NAPB: variants seen among roughly 807,000 people sequenced by gnomAD.
The protein encoded by NAPB is NSF attachment protein beta, also known as beta-soluble NSF attachment protein.
Under a neutral mutation model 44.7 loss-of-function variants are expected in NAPB, and 26 were observed. The ratio of observed to expected loss-of-function variants is 0.58; its 90% CI spans 0.43 to 0.81. NAPB has a LOEUF of 0.81. Ranked by LOEUF, NAPB falls within the 30% of genes least tolerant of loss-of-function variation. NAPB has a pLI of 0.00. For synonymous variants in NAPB, 120 were observed against 116.8 expected, an observed-to-expected ratio of 1.03 and a Z score of -0.18; for missense variants, 315 against 356.4, an observed-to-expected ratio of 0.88 and a Z score of 0.94.
chr20:23,380,346 C>T (rs1304274659), intron 8 of NAPB, among the ~76,000 whole-genome samples: 1 of 152,186 alleles, frequency 6.6e-6, no homozygotes, highest in Non-Finnish European at 1.5e-5. Flanking sequence ...CAACTCCAGA[C>T]ACTGGCCATG....
At chr20:23,382,664 A>C (rs1464929714) in intron 7 of NAPB, among the ~76,000 whole-genome samples, 5 of 152,060 alleles carry the variant, frequency 3.3e-5, no homozygotes, top group African/African-American at 4.8e-5. Context: ...AAAAAAAAAA[A>C]CAGTACCATA....
chr20:23,384,736 GA>G (rs1389679985), intron 7 of NAPB, among the ~76,000 whole-genome samples: 1 of 152,160 alleles, frequency 6.6e-6, no homozygotes, highest in African/African-American at 2.4e-5. Flanking sequence ...GCAGAAAGCA[GA>G]ATTAAGCCCT....
intron 3 of NAPB, 109 bp from the exon 4 acceptor site, chr20:23,395,294 T>G: frequency 1.7e-6 from 2 of 1,156,262 alleles, no homozygotes; most frequent in South Asian, 2.7e-5. Flanking sequence ...GGTATAATTT[T>G]GGAGTGGAGG....
chr20:23,393,437 C>G (rs1984121646), intron 5 of NAPB, among the ~76,000 whole-genome samples: 1 of 152,146 alleles, frequency 6.6e-6, no homozygotes, highest in South Asian at 2.1e-4. Context: ...TTCAGTAACG[C>G]CTAGCAGATC....
intron 1 of NAPB, among the ~76,000 whole-genome samples, chr20:23,406,327 C>T (rs1985253565): frequency 6.6e-6 from 1 of 152,110 alleles, no homozygotes; most frequent in Admixed American, 6.6e-5. Flanking sequence ...CTAAATGGTA[C>T]AGGGTTTCTT....
chr20:23,404,259 C>T (rs1484578596), intron 1 of NAPB, among the ~76,000 whole-genome samples: 5 of 152,150 alleles, frequency 3.3e-5, no homozygotes, highest in Non-Finnish European at 7.3e-5. Context: ...AGACTCTGTA[C>T]AGTATACATA....
chr20:23,384,003 A>C lies in NAPB; in HGVS notation c.562-2686T>G, dbSNP rs1229536134. Among the ~76,000 whole-genome samples, 3 of 152,360 alleles carry C rather than the reference A, an allele frequency of 2.0e-5. No individual in the cohort carries two copies. The East Asian group carries it at 5.8e-4, about 29-fold the overall frequency. ...AGCATTTAACCACAAAAGCTACACA[A>C]AGATATATACCATTGATTCTCCAAC... On this transcript the variant is annotated intron_variant, in intron 7 of 10. Coordinates refer to ENST00000377026, the MANE Select transcript of NAPB (RefSeq NM_022080.3).
At chr20:23,398,945 C>T (rs1025539784) in intron 2 of NAPB, among the ~76,000 whole-genome samples, 5 of 146,780 alleles carry the variant, frequency 3.4e-5, no homozygotes, top group African/African-American at 1.3e-4. Context: ...CCTCCAGCCT[C>T]GGCCTCCCAA....
intron 7 of NAPB, among the ~76,000 whole-genome samples, chr20:23,385,960 C>T (rs73303313): frequency 1.7e-4 from 26 of 152,024 alleles, no homozygotes; most frequent in African/African-American, 1.4e-4. Context: ...ATTGAAATCA[C>T]GCAAAAATAT....
Position 23,401,415 on chromosome 20 carries a change from A to T in NAPB, c.178+1578T>A, listed in dbSNP as rs1984832614. ...TGCAACCTCAGACATAAATGGAAACAGACTGGAAAAGTGCAGCAGTATGAC... is the reference window on the plus strand; with the variant it reads ...TGCAACCTCAGACATAAATGGAAACTGACTGGAAAAGTGCAGCAGTATGAC... On this transcript the variant is annotated intron_variant, in intron 2 of 10. Coordinates refer to ENST00000377026, the MANE Select transcript of NAPB (RefSeq NM_022080.3). Among the ~76,000 whole-genome samples the T allele has an allele frequency of 3.9e-5, 6 of 152,192 alleles. 1 individual carries two copies. Among genetic ancestry groups the T allele is most frequent in the Admixed American group, 3.9e-4 (6 of 15,288 alleles).
chr20:23,395,257 T>C, intron 3 of NAPB, 72 bp from the exon 4 acceptor site: 1 of 1,533,252 alleles, frequency 6.5e-7, no homozygotes, highest in East Asian at 2.3e-5. Flanking sequence ...GAGGCTGTCT[T>C]CCTGGCTGTT....
intron 8 of NAPB, chr20:23,380,984 G>T: frequency 8.8e-6 from 4 of 454,970 alleles, no homozygotes; most frequent in Non-Finnish European, 1.6e-5. Context: ...GACGAGATTG[G>T]GTGTGTTCAG....
intron 5 of NAPB, among the ~76,000 whole-genome samples, chr20:23,391,234 C>G (rs1310521254): frequency 6.6e-6 from 1 of 152,080 alleles, no homozygotes; most frequent in African/African-American, 2.4e-5. Flanking sequence ...CTGCTTGAAC[C>G]GGGGAGGCAG....
intron 1 of NAPB, among the ~76,000 whole-genome samples, chr20:23,414,407 C>A (rs368436712): frequency 6.6e-6 from 1 of 152,020 alleles, no homozygotes; most frequent in Non-Finnish European, 1.5e-5. Context: ...TCCAGGAGTG[C>A]GAGGACAGTA....
chr20:23,410,633 A>G (rs1433684424), intron 1 of NAPB, among the ~76,000 whole-genome samples: 2 of 152,188 alleles, frequency 1.3e-5, no homozygotes, highest in African/African-American at 4.8e-5. Context: ...CCTCAGTATC[A>G]CACAATATAC....
intron 7 of NAPB, among the ~76,000 whole-genome samples, chr20:23,383,111 C>T (rs530979618): frequency 3.3e-4 from 46 of 140,292 alleles, no homozygotes; most frequent in Admixed American, 2.8e-3. Context: ...GACAAGATTG[C>T]GCCATTAAAC....
Position 23,381,251 on chromosome 20 carries a change from C to T in NAPB, c.628G>A (p.Ala210Thr). Residue 210 changes from alanine (A) to threonine (T), a missense_variant, in exon 8 of 11, where the codon GCC becomes ACC. Ala to Thr is a moderately conservative substitution (Grantham distance 58). This residue lies in a region of NAPB where 120 missense variants were observed against 130.5 expected (regional missense o/e 0.92). Coordinates refer to ENST00000377026, the MANE Select transcript of NAPB (RefSeq NM_022080.3). ...TCGTCTACTATGAAGTGGCAGAGGG[C>T]AGCTTTGAAGAAGTAATCCTTTGCA... ...YSAKDYFFKA[A>T]LCHFIVDELN... 6.2e-7 allele frequency: 1 copy of T among 1,613,258 alleles called. No homozygotes were observed. The highest frequency in any genetic ancestry group is 8.5e-7 in the Non-Finnish European group (1 of 1,179,686).
At chr20:23,420,818 CCAG>C (rs889137105) in intron 1 of NAPB, among the ~76,000 whole-genome samples, 1 of 140,858 alleles carries the variant, frequency 7.1e-6, no homozygotes, top group African/African-American at 2.7e-5. Flanking sequence ...AGCCCCCCCC[CCAG>C]AGTGTTCTAG....
At chr20:23,418,667 C>G (rs2281431) in intron 1 of NAPB, among the ~76,000 whole-genome samples, 85,808 of 151,630 alleles carry the variant, frequency 0.57, 26,053 homozygotes, top group East Asian at 0.88. Context: ...GCTGGGCGTG[C>G]TGGCTCACGT....
Sources: allele counts gnomAD v4.1 joint callset (sites outside exome capture counted in the v4.1 genomes callset), GRCh38; gene constraint gnomAD v4.1.1; regional missense constraint gnomAD v4.1.1; transcripts MANE v1.5; gene names NCBI Gene and HGNC (gene_info 2026-07-23, HGNC 2026-07-21).